Variants in RFXANK observed in about 807,000 individuals in gnomAD.
RFXANK encodes the protein regulatory factor X associated ankyrin containing protein, also known as DNA-binding protein RFXANK.
A neutral mutation model predicts 34.5 loss-of-function variants in RFXANK; 19 were observed. The observed-to-expected ratio is 0.55, with a 90% CI of 0.38 to 0.81. The LOEUF (loss-of-function observed/expected upper bound fraction) is 0.81, where lower values mean the gene tolerates loss of function less well. Among genes scored for constraint, RFXANK ranks in the 30% least tolerant of loss-of-function variants. The probability of loss-of-function intolerance (pLI) is 0.00; values close to 1 mark genes in which losing one functional copy is unlikely to be tolerated. For synonymous variants in RFXANK, 154 were observed against 149.8 expected (o/e 1.03, Z -0.20); for missense variants, 295 against 343.5 (o/e 0.86, Z 1.12).
Position 19,197,561 on chromosome 19 carries a change from C to T in RFXANK, c.378C>T (p.Thr126=). 6.2e-7 allele frequency: 1 copy of T among 1,613,908 alleles called. No individual in the cohort carries two copies. The highest frequency in any genetic ancestry group is 8.5e-7 in the Non-Finnish European group (1 of 1,180,020). The change falls in exon 6 of 10, where the codon ACC becomes ACT. Residue 126 remains threonine, a synonymous_variant. Transcript: ENST00000303088. The stretch of plus-strand genomic sequence containing the variant: ...ACAAGCCAGACGAGCGCGGCTTCAC[C>T]CCCCTCATCTGGGCCTCCGCCTTTG... ...LVNKPDERGF[T]PLIWASAFGE...
chr19:19,201,341 G>C, intron 9 of RFXANK: 2 of 873,016 alleles, frequency 2.3e-6, no homozygotes, highest in Non-Finnish European at 3.5e-6. Flanking sequence ...ACCTCCCAAA[G>C]TGCTGGGATT....
At position 19,198,718 on chromosome 19, in the gene RFXANK, T is replaced by C; in HGVS notation, c.626T>C (p.Leu209Ser). 1 of 1,613,972 alleles carries C rather than the reference T, an allele frequency of 6.2e-7. No individual in the cohort carries two copies. The highest frequency in any genetic ancestry group is 1.3e-5 in the African/African-American group (1 of 75,074). The change falls in exon 8 of 10, where the codon TTG becomes TCG. Residue 209 changes from leucine to serine, a missense_variant. Leu to Ser is a moderately radical substitution (Grantham distance 145). Transcript: ENST00000303088. ...AACCACGTGAAATGCGTTGAGGCCT[T>C]GCTGGGTGAGTGGGAGTCGGGAGTG... ...RGNHVKCVEA[L>S]LARGADLTTE...
Position 19,192,405 on chromosome 19 carries a change from C to G in RFXANK, c.-299C>G. The stretch of plus-strand genomic sequence containing the variant: ...GAAGAACTCTCTCCCTTTCTGAACC[C>G]CCTTTTCCTTGAGAGACGAGTTGGG... On this transcript the variant is annotated 5_prime_UTR_variant, in exon 1 of 10. Coordinates refer to ENST00000303088, the MANE Select transcript of RFXANK (RefSeq NM_003721.4). 1 of 541,712 alleles carries G rather than the reference C, an allele frequency of 1.8e-6. No individual in the cohort carries two copies. Among genetic ancestry groups the G allele is most frequent in the African/African-American group, 1.9e-5 (1 of 52,350 alleles). 33.6% of individuals were successfully genotyped at this position (541,712 alleles called of 1,614,324 possible). A position where few individuals can be genotyped will look rare whatever the true frequency, so the allele number is the denominator to read the frequency against.
At chr19:19,198,318 G>C (rs2060638014) in intron 7 of RFXANK, 86 bp downstream of exon 7, 14 of 1,577,446 alleles carry the variant, frequency 8.9e-6, no homozygotes, top group Admixed American at 5.5e-5. Flanking sequence ...GAAAGGTGCA[G>C]GCCTGCTCTA....
At position 19,197,385 on chromosome 19, in the gene RFXANK, T is replaced by C. The variant is rs73922823; in HGVS notation, c.337+134T>C. The C allele has an allele frequency of 9.0e-3, 10,904 of 1,211,556 alleles. 703 individuals are homozygous for C. The African/African-American group carries it at 0.14, about 16-fold the overall frequency. The allele number at this position is 1,211,556 out of a possible 1,614,324, so 75.1% of individuals were successfully genotyped here. A position where few individuals can be genotyped will look rare whatever the true frequency, so the allele number is the denominator to read the frequency against. ...TATCTAACTGTGTGTGTGACCGTGT[T>C]CATGTATGTCCATCAACATACGCTC... On this transcript the variant is annotated intron_variant, in intron 5 of 9. Transcript: ENST00000303088.
At position 19,197,711 on chromosome 19, in the gene RFXANK, T is replaced by C. The variant is rs2060626599; in HGVS notation, c.438+90T>C. On this transcript the variant is annotated intron_variant, in intron 6 of 9. Coordinates refer to ENST00000303088, the MANE Select transcript of RFXANK (RefSeq NM_003721.4). The stretch of plus-strand genomic sequence containing the variant: ...GGCTGTGTCTGCTGGCGCCTTGTCT[T>C]TGAGATGCGGCTGCTGGCTGGGTGC... 4 of 1,189,038 alleles carry C rather than the reference T, an allele frequency of 3.4e-6. No homozygotes were observed. The South Asian group carries it at 5.0e-5, about 15-fold the overall frequency. 73.7% of individuals were successfully genotyped at this position (1,189,038 alleles called of 1,614,324 possible).
rs527373710 is a variant in RFXANK at position 19,197,956 on chromosome 19, G to A, written c.439-151G>A. The A allele has an allele frequency of 1.3e-4, 144 of 1,066,786 alleles. 1 individual carries two copies. The African/African-American group carries it at 1.7e-3, about 13-fold the overall frequency. 66.1% of individuals were successfully genotyped at this position (1,066,786 alleles called of 1,614,324 possible). A position where few individuals can be genotyped will look rare whatever the true frequency, so the allele number is the denominator to read the frequency against. ...GAACCTGGGAGGCGGAGGTAGCAGT[G>A]AGCCGAGATTGCGCCACTGCACTCC... On this transcript the variant is annotated intron_variant, in intron 6 of 9. Coordinates refer to ENST00000303088, the MANE Select transcript of RFXANK (RefSeq NM_003721.4).
chr19:19,200,807 T>C, intron 9 of RFXANK: 1 of 153,138 alleles, frequency 6.5e-6, no homozygotes, highest in Non-Finnish European at 1.4e-5. Context: ...TTTTTTTTTT[T>C]TTTTTTTTGA....
chr19:19,201,506 T>C, intron 9 of RFXANK, 143 bp from the exon 10 acceptor site: 1 of 1,598,452 alleles, frequency 6.3e-7, no homozygotes, highest in Non-Finnish European at 8.5e-7. Context: ...GGGTGAGTCC[T>C]CGGTTCTCCC....
rs115964828 is a variant in RFXANK at position 19,198,203 on chromosome 19, C to A, written c.535C>A (p.Arg179Ser). 6.2e-6 allele frequency: 10 copies of A among 1,614,038 alleles called. No individual in the cohort carries two copies. Among genetic ancestry groups the A allele is most frequent in the South Asian group, 3.3e-5 (3 of 91,090 alleles). The change falls in exon 7 of 10, where the codon CGT (arginine) becomes AGT (serine). Residue 179 changes from arginine to serine, a missense_variant. By Grantham distance (110) the Arg-to-Ser change is moderately radical (BLOSUM62 -1). Transcript: ENST00000303088. ...YTDIVGLLLE[R>S]DVDINIYDWN... Reference sequence around the variant, plus strand: ...AGACATTGTGGGGCTGCTGCTGGAGCGTGACGTGGACATCAACATCTATGA... The same window carrying A: ...AGACATTGTGGGGCTGCTGCTGGAGAGTGACGTGGACATCAACATCTATGA...
chr19:19,196,939 T>C, intron 3 of RFXANK, 24 bp from the exon 4 acceptor site: 1 of 1,600,374 alleles, frequency 6.2e-7, no homozygotes, highest in Admixed American at 1.7e-5. Flanking sequence ...GAGGGGAAAC[T>C]GACGCCTGTT....
intron 2 of RFXANK, among the ~76,000 whole-genome samples, 163 bp from the exon 3 acceptor site, chr19:19,193,776 C>T (rs995218436): frequency 2.6e-5 from 4 of 152,154 alleles, no homozygotes; most frequent in Non-Finnish European, 5.9e-5. Context: ...TGGTAGACCT[C>T]GAAAGCAGTT....
At chr19:19,197,985 C>G in intron 6 of RFXANK, 122 bp from the exon 7 acceptor site, 2 of 1,376,950 alleles carry the variant, frequency 1.5e-6, no homozygotes, top group Non-Finnish European at 2.0e-6. Context: ...GCACTCCAGC[C>G]TGGGCAACAG....
chr19:19,200,175 CTT>C (rs978912398), intron 9 of RFXANK, among the ~76,000 whole-genome samples: 16 of 120,360 alleles, frequency 1.3e-4, no homozygotes, highest in Non-Finnish European at 1.6e-4. Flanking sequence ...TTTGTTGTTG[CTT>C]TTTTTTTTTT....
At chr19:19,198,578 T>A in intron 7 of RFXANK, 79 bp from the exon 8 acceptor site, 1 of 1,527,636 alleles carries the variant, frequency 6.5e-7, no homozygotes, top group Non-Finnish European at 9.0e-7. Flanking sequence ...CACGTTCAAC[T>A]GGAGGCCAGA....
Position 19,192,258 on chromosome 19 carries a change from CTT to C in RFXANK, c.-444_-443del. 1 of 1,134,264 alleles carries C rather than the reference CTT, an allele frequency of 8.8e-7. No individual in the cohort carries two copies. The highest frequency in any genetic ancestry group is 1.4e-5 in the South Asian group (1 of 71,850). 70.3% of individuals were successfully genotyped at this position (1,134,264 alleles called of 1,614,324 possible). The stretch of plus-strand genomic sequence containing the variant: ...GGGCCCGCCCTCCCCGCTCCTCAGT[CTT>C]TGCGGACAAGAAAGGGGCTGTGTGA... On this transcript the variant is annotated 5_prime_UTR_variant, in exon 1 of 10. Transcript: ENST00000303088.
chr19:19,194,725 T>C (rs1332342829), intron 3 of RFXANK, among the ~76,000 whole-genome samples: 1 of 148,574 alleles, frequency 6.7e-6, no homozygotes, highest in Non-Finnish European at 1.5e-5. Context: ...GGTCTCCACC[T>C]CCTGGGCTCA....
chr19:19,200,837 T>C (rs2060700441), intron 9 of RFXANK: 1 of 141,314 alleles, frequency 7.1e-6, no homozygotes. Context: ...TCGCTCTTGT[T>C]GCCCAGGCTG....
intron 1 of RFXANK, 133 bp from the exon 2 acceptor site, chr19:19,192,827 C>G (rs534902696): frequency 6.6e-6 from 1 of 152,638 alleles, no homozygotes; most frequent in South Asian, 2.0e-4. Flanking sequence ...TCCCCTAAGT[C>G]TTAAAGGGCC....
Sources: allele counts gnomAD v4.1 joint callset (sites outside exome capture counted in the v4.1 genomes callset), GRCh38; gene constraint gnomAD v4.1.1; transcripts MANE v1.5; gene names NCBI Gene and HGNC (gene_info 2026-07-23, HGNC 2026-07-21).